PEAK1: variants seen among roughly 807,000 people sequenced by gnomAD.
PEAK1 encodes the protein inactive tyrosine-protein kinase PEAK1.
Under a neutral mutation model 124.7 loss-of-function variants are expected in PEAK1, and 54 were observed. The observed-to-expected ratio is 0.43, with a 90% CI of 0.35 to 0.54. The LOEUF (loss-of-function observed/expected upper bound fraction) is 0.54, where lower values mean the gene tolerates loss of function less well. Among genes scored for constraint, PEAK1 ranks in the 20% least tolerant of loss-of-function variants. PEAK1 has a pLI of 0.01. For synonymous variants in PEAK1, 719 were observed against 760.0 expected (o/e 0.95, Z 0.89); for missense variants, 2,046 against 2,134.5 (o/e 0.96, Z 0.82).
At chr15:77,267,620 C>G (rs1259196296) in intron 5 of PEAK1, among the ~76,000 whole-genome samples, 1 of 152,200 alleles carries the variant, frequency 6.6e-6, no homozygotes, top group Non-Finnish European at 1.5e-5. Flanking sequence ...ATAACAATCA[C>G]TGCAGTTTGG....
At chr15:77,392,660 G>T (rs1225102181) in intron 1 of PEAK1, among the ~76,000 whole-genome samples, 1 of 152,102 alleles carries the variant, frequency 6.6e-6, no homozygotes, top group African/African-American at 2.4e-5. Flanking sequence ...TACCCTCATG[G>T]ACGGTCTTCT....
intron 2 of PEAK1, chr15:77,334,084 G>A: frequency 3.6e-6 from 3 of 828,678 alleles, no homozygotes; most frequent in African/African-American, 3.7e-5. Flanking sequence ...ATCCTGTAAG[G>A]TTTTTAAAAA....
rs548927160 is a variant in PEAK1, at chr15:77,257,178, A to G, written c.-274-4652T>C. Among the ~76,000 whole-genome samples, 359 of 152,290 alleles carry G rather than the reference A, an allele frequency of 2.4e-3. 1 individual carries two copies. Among genetic ancestry groups the G allele is most frequent in the African/African-American group, 8.2e-3 (341 of 41,546 alleles). On this transcript the variant is annotated intron_variant, in intron 5 of 9. Transcript: ENST00000682557. Reference sequence around the variant, plus strand: ...TCTTTACTATTGTGAACAGTGCCACAATAAACATACGTGTGCATGTGTCTT... The same window carrying G: ...TCTTTACTATTGTGAACAGTGCCACGATAAACATACGTGTGCATGTGTCTT...
Position 77,181,175 on chromosome 15 carries a change from C to A in PEAK1, c.752G>T (p.Ser251Ile), listed in dbSNP as rs377582025. ...LFSNMEEEHESWDESDEELLA... is the reference protein window; with the variant it reads ...LFSNMEEEHEIWDESDEELLA... ...CAGCTCTTCATCACTCTCATCCCAA[C>A]TCTCGTGCTCCTCCTCCATGTTACT... The change falls in exon 7 of 10, where the codon AGT (serine) becomes ATT (isoleucine). Residue 251 changes from serine to isoleucine, a missense_variant. Coordinates refer to ENST00000682557, the MANE Select transcript of PEAK1 (RefSeq NM_001385026.1). 6.2e-7 allele frequency: 1 copy of A among 1,614,188 alleles called. No homozygotes were observed. The highest frequency in any genetic ancestry group is 1.3e-5 in the African/African-American group (1 of 75,048).
chr15:77,392,314 T>C (rs1295448591), intron 1 of PEAK1, among the ~76,000 whole-genome samples: 1 of 152,188 alleles, frequency 6.6e-6, no homozygotes, highest in Non-Finnish European at 1.5e-5. Context: ...GTAGCTTAGA[T>C]CATAACTTAG....
intron 2 of PEAK1, chr15:77,350,180 C>T: frequency 1.0e-6 from 1 of 985,442 alleles, no homozygotes; most frequent in Non-Finnish European, 1.2e-6. Flanking sequence ...TTTGCAACTA[C>T]TAACTGGCAA....
At chr15:77,309,851 TTCAAACA>T (rs2064329286) in intron 2 of PEAK1, among the ~76,000 whole-genome samples, 2 of 152,174 alleles carry the variant, frequency 1.3e-5, no homozygotes, top group Non-Finnish European at 2.9e-5. Context: ...ATCCAAAACA[TTCAAACA>T]ATCAAAACTT....
chr15:77,271,107 A>T (rs1207243422), intron 5 of PEAK1, among the ~76,000 whole-genome samples: 1 of 152,204 alleles, frequency 6.6e-6, no homozygotes, highest in Non-Finnish European at 1.5e-5. Flanking sequence ...AACCCCATCA[A>T]AAAGTGGGCG....
At position 77,180,541 on chromosome 15, in the gene PEAK1, G is replaced by A. The variant is rs2057194104; in HGVS notation, c.1386C>T (p.Tyr462=). The part of the protein sequence containing the change: ...LVPTEEQAKP[Y]RVVNLEQPLC... The stretch of plus-strand genomic sequence containing the variant: ...ATGGCTGTTCCAGGTTCACAACTCG[G>A]TAAGGTTTTGCTTGCTCTTCTGTGG... The change falls in exon 7 of 10, where the codon TAC becomes TAT. Residue 462 remains tyrosine, a synonymous_variant. Transcript: ENST00000682557. 6.2e-7 allele frequency: 1 copy of A among 1,614,124 alleles called. No individual in the cohort carries two copies. The highest frequency in any genetic ancestry group is 1.1e-5 in the South Asian group (1 of 91,082).
At chr15:77,357,362 T>C (rs1022442537) in intron 2 of PEAK1, among the ~76,000 whole-genome samples, 1 of 152,198 alleles carries the variant, frequency 6.6e-6, no homozygotes, top group African/African-American at 2.4e-5. Context: ...AACCTCCGCC[T>C]CCGGGGTGCA....
At chr15:77,283,372 A>T (rs2062767444) in intron 5 of PEAK1, among the ~76,000 whole-genome samples, 1 of 152,152 alleles carries the variant, frequency 6.6e-6, no homozygotes, top group Non-Finnish European at 1.5e-5. Flanking sequence ...TGTATTAATG[A>T]TCAAATTTTC....
intron 2 of PEAK1, among the ~76,000 whole-genome samples, chr15:77,305,498 G>A (rs1279608808): frequency 6.6e-6 from 1 of 152,110 alleles, no homozygotes; most frequent in Non-Finnish European, 1.5e-5. Flanking sequence ...GAGAACCAGA[G>A]CTCAGACTGA....
chr15:77,235,825 T>C (rs1241720803), intron 6 of PEAK1, among the ~76,000 whole-genome samples: 2 of 152,210 alleles, frequency 1.3e-5, no homozygotes, highest in African/African-American at 4.8e-5. Flanking sequence ...TGTTAAGACA[T>C]GGTGCCCTGC....
chr15:77,117,290 G>A (rs1211658617), intron 9 of PEAK1, among the ~76,000 whole-genome samples: 7 of 152,152 alleles, frequency 4.6e-5, no homozygotes, highest in Admixed American at 1.3e-4. Flanking sequence ...GCTACTAGCT[G>A]TATAACCTTG....
At chr15:77,135,116 C>A (rs771191402) in intron 8 of PEAK1, among the ~76,000 whole-genome samples, 1 of 152,194 alleles carries the variant, frequency 6.6e-6, no homozygotes, top group Non-Finnish European at 1.5e-5. Flanking sequence ...TGATTTCAGA[C>A]TCCTAGCCTC....
At position 77,114,525 on chromosome 15, in the gene PEAK1, G is replaced by A. The variant is rs1364350394; in HGVS notation, c.4872C>T (p.Asp1624=). 1.4e-5 allele frequency: 23 copies of A among 1,614,142 alleles called. No individual in the cohort carries two copies. The highest frequency in any genetic ancestry group is 1.9e-5 in the Non-Finnish European group (23 of 1,180,018). The change falls in exon 10 of 10, where the codon GAC becomes GAT. Residue 1624 remains aspartate (D), a synonymous_variant. Transcript: ENST00000682557. ...ELKEREYTRA[D]LPRIPFRSPY... ...GGGAGCGGAATGGGATGCGAGGCAG[G>A]TCTGCTCGTGTGTATTCCCTCTCCT...
chr15:77,405,140 G>C (rs757331808), intron 1 of PEAK1, among the ~76,000 whole-genome samples: 6 of 151,870 alleles, frequency 4.0e-5, no homozygotes, highest in African/African-American at 4.8e-5. Context: ...TAGGTAGCTG[G>C]GACTACAGGT....
chr15:77,359,063 T>C (rs1274766583), intron 2 of PEAK1, among the ~76,000 whole-genome samples: 1 of 152,162 alleles, frequency 6.6e-6, no homozygotes, highest in African/African-American at 2.4e-5. Flanking sequence ...TTCCTAAACC[T>C]GATAATGGGC....
chr15:77,303,986 A>G (rs2063928466), intron 2 of PEAK1, among the ~76,000 whole-genome samples: 1 of 152,214 alleles, frequency 6.6e-6, no homozygotes, highest in Non-Finnish European at 1.5e-5. Context: ...TTTGTTAAAA[A>G]TCAGTTGACT....
Sources: gnomAD v4.1 joint callset for allele counts (sites outside exome capture counted in the v4.1 genomes callset) on GRCh38, gnomAD v4.1.1 for gene constraint, MANE v1.5 for transcripts, NCBI Gene and HGNC (gene_info 2026-07-23, HGNC 2026-07-21) for gene names.